The following LARP7 variants were observed in gnomAD, a reference collection of about 807,000 sequenced individuals.
The protein encoded by LARP7 is la-related protein 7.
A neutral mutation model predicts 69.3 loss-of-function variants in LARP7; 52 were observed. The ratio of observed to expected loss-of-function variants is 0.75; its 90% confidence interval spans 0.60 to 0.95. LARP7 has a LOEUF of 0.95. Ranked by LOEUF, LARP7 falls within the 40% of genes least tolerant of loss-of-function variation. The pLI, the probability that LARP7 is intolerant of heterozygous loss-of-function variation, is 0.00. For synonymous variants in LARP7, 254 were observed against 215.9 expected, an observed-to-expected ratio of 1.18 and a Z score of -1.55; for missense variants, 733 against 673.0, an observed-to-expected ratio of 1.09 and a Z score of -0.99.
chr4:112,647,550 G>A lies in LARP7; in HGVS notation c.997+1G>A, dbSNP rs1289631366. The stretch of plus-strand genomic sequence containing the variant: ...TCAGAAGCTTCCAAGGAAAATAGAG[G>A]TAAAACTACAAGGTTTTAATTAGAT... On this transcript the variant is annotated splice_donor_variant, in intron 7 of 12. Coordinates refer to ENST00000344442, the MANE Select transcript of LARP7 (RefSeq NM_016648.4). LOFTEE classifies it high-confidence loss of function. The A allele has an allele frequency of 3.8e-6, 6 of 1,583,982 alleles. No homozygotes were observed. Among genetic ancestry groups the A allele is most frequent in the Non-Finnish European group, 5.1e-6 (6 of 1,166,806 alleles).
intron 1 of LARP7, among the ~76,000 whole-genome samples, chr4:112,640,785 G>C (rs2047929721): frequency 6.6e-6 from 1 of 152,220 alleles, no homozygotes; most frequent in Non-Finnish European, 1.5e-5. Context: ...GCAGTGGACG[G>C]AGTTAAGGTC....
Position 112,647,075 on chromosome 4 carries a change from CAT to C in LARP7, c.597_598del (p.Phe200SerfsTer2), listed in dbSNP as rs1491561607. 1 of 1,611,632 alleles carries C rather than the reference CAT, an allele frequency of 6.2e-7. No individual in the cohort carries two copies. The highest frequency in any genetic ancestry group is 8.5e-7 in the Non-Finnish European group (1 of 1,179,528). ...PPEEAPRKPG[I>X]FPKTVKNKPI... ...CAGAAGAAGCACCAAGAAAACCTGG[CAT>C]ATTTCCTAAAACAGTGAAAAATAAG... is the stretch of plus-strand genomic sequence containing the variant. On this transcript the variant is annotated frameshift_variant, in exon 6 of 13. Coordinates refer to ENST00000344442, the MANE Select transcript of LARP7 (RefSeq NM_016648.4). LOFTEE classifies it high-confidence loss of function.
In LARP7 at chr4:112,647,422, C is replaced by T; in HGVS notation, c.870C>T (p.Val290=). Residue 290 remains valine (V), a synonymous_variant, in exon 7 of 13, where the codon GTC becomes GTT. Transcript: ENST00000344442. ...TTGAAGCATCTAGCTTACCTGAAGT[C>T]AGAACAGGGAAGAGGAAGAGAAGCA... ...DRVEASSLPE[V]RTGKRKRSSS... The T allele has an allele frequency of 6.2e-7, 1 of 1,614,000 alleles. No individual in the cohort carries two copies. The highest frequency in any genetic ancestry group is 1.7e-5 in the Admixed American group (1 of 59,998).
intron 12 of LARP7, among the ~76,000 whole-genome samples, chr4:112,655,015 A>G (rs1243691375): frequency 2.0e-5 from 3 of 151,944 alleles, no homozygotes; most frequent in Admixed American, 2.0e-4. Flanking sequence ...AAAAAAAAAA[A>G]AAACTAACTT....
intron 1 of LARP7, among the ~76,000 whole-genome samples, chr4:112,643,039 C>G (rs1029028860): frequency 1.3e-5 from 2 of 152,198 alleles, no homozygotes; most frequent in African/African-American, 4.8e-5. Flanking sequence ...TCAATTCATT[C>G]AACAAAATCG....
At chr4:112,653,870 A>G (rs1049977371) in intron 11 of LARP7, among the ~76,000 whole-genome samples, 198 bp from the exon 12 acceptor site, 6 of 152,084 alleles carry the variant, frequency 3.9e-5, no homozygotes, top group African/African-American at 1.2e-4. Flanking sequence ...CGCCCTCCCA[A>G]AGTGCTGGGA....
intron 8 of LARP7, 29 bp downstream of exon 8, chr4:112,647,863 G>C: frequency 6.8e-7 from 1 of 1,476,736 alleles, no homozygotes; most frequent in Non-Finnish European, 9.5e-7. Context: ...TTCTGTCATT[G>C]GCTTAACAAT....
At chr4:112,651,820 A>G (rs572421690) in intron 10 of LARP7, among the ~76,000 whole-genome samples, 1 of 152,268 alleles carries the variant, frequency 6.6e-6, no homozygotes, top group Admixed American at 6.5e-5. Flanking sequence ...TATTTAGTAT[A>G]TATCTTTTGA....
At chr4:112,645,533 T>G (rs1308200645) in intron 2 of LARP7, 1 of 456,138 alleles carries the variant, frequency 2.2e-6, no homozygotes, top group Non-Finnish European at 4.4e-6. Context: ...TGAGGCAAGG[T>G]CTATCTTTTT....
At chr4:112,639,375 A>C (rs1474150982) in intron 1 of LARP7, among the ~76,000 whole-genome samples, 1 of 151,662 alleles carries the variant, frequency 6.6e-6, no homozygotes, top group Non-Finnish European at 1.5e-5. Context: ...ATGCCCGGCT[A>C]ATTTTTTTCT....
chr4:112,646,334 T>C lies in LARP7; in HGVS notation c.203-17T>C, dbSNP rs774367828. The C allele has an allele frequency of 4.0e-6, 5 of 1,259,302 alleles. No individual in the cohort carries two copies. The African/African-American group carries it at 7.5e-5, about 19-fold the overall frequency. 78.0% of individuals were successfully genotyped at this position (1,259,302 alleles called of 1,614,324 possible). On this transcript the variant is annotated splice_polypyrimidine_tract_variant and intron_variant, in intron 2 of 12. Coordinates refer to ENST00000344442, the MANE Select transcript of LARP7 (RefSeq NM_016648.4). ...CCTGCTGATACACTAACATATTAACTTTTTCATTTTCTTTAGATGTTGATA... is the reference window on the plus strand; with the variant it reads ...CCTGCTGATACACTAACATATTAACCTTTTCATTTTCTTTAGATGTTGATA...
Position 112,647,854 on chromosome 4 carries a change from T to A in LARP7, c.1142+20T>A. ...ATCAAAGTAAGTCTGTGGTTTAAAT[T>A]CTGTCATTGGCTTAACAATCCATCA... is the stretch of plus-strand genomic sequence containing the variant. On this transcript the variant is annotated intron_variant, in intron 8 of 12. Transcript: ENST00000344442. 1 of 1,527,388 alleles carries A rather than the reference T, an allele frequency of 6.5e-7. No homozygotes were observed. The highest frequency in any genetic ancestry group is 9.0e-7 in the Non-Finnish European group (1 of 1,107,638). The allele number at this position is 1,527,388 out of a possible 1,614,324, so 94.6% of individuals were successfully genotyped here. A position where few individuals can be genotyped will look rare whatever the true frequency, so the allele number is the denominator to read the frequency against.
At chr4:112,646,705 C>A in intron 4 of LARP7, 34 bp downstream of exon 4, 1 of 1,559,760 alleles carries the variant, frequency 6.4e-7, no homozygotes, top group Non-Finnish European at 8.7e-7. Context: ...CAGTCAGAAA[C>A]TGGCACAGAA....
At chr4:112,655,842 GT>G (rs1383036175) in intron 12 of LARP7, among the ~76,000 whole-genome samples, 2 of 152,168 alleles carry the variant, frequency 1.3e-5, no homozygotes, top group Non-Finnish European at 1.5e-5. Context: ...CCCCAGTAAA[GT>G]TTAGAAGTAT....
At chr4:112,639,317 C>G (rs1458126258) in intron 1 of LARP7, among the ~76,000 whole-genome samples, 1 of 150,770 alleles carries the variant, frequency 6.6e-6, no homozygotes, top group East Asian at 1.9e-4. Context: ...TCACACCTTT[C>G]TCCTGCCTCA....
chr4:112,647,587 A>ACTTTAATTAATTAGT (rs1554011930), intron 7 of LARP7, 38 bp downstream of exon 7: 49 of 1,414,326 alleles, frequency 3.5e-5, no homozygotes, highest in Non-Finnish European at 4.6e-5. Flanking sequence ...AAACTAATTA[A>ACTTTAATTAATTAGT]TTTTAATTAA....
intron 8 of LARP7, chr4:112,648,126 G>A: frequency 3.7e-6 from 2 of 543,546 alleles, no homozygotes; most frequent in East Asian, 1.0e-4. Context: ...ATGAGCTGCG[G>A]TCAATACAAT....
Position 112,646,397 on chromosome 4 carries a change from GACT to G in LARP7, c.253_255del (p.Thr85del). On this transcript the variant is annotated inframe_deletion, in exon 3 of 13. Coordinates refer to ENST00000344442, the MANE Select transcript of LARP7 (RefSeq NM_016648.4). ...TGTCTTTTAACAAAATGAAAAAATT[GACT>G]ACTGATGGGAAGTTAATTGCCAGAG... 4 of 1,604,004 alleles carry G rather than the reference GACT, an allele frequency of 2.5e-6. No individual in the cohort carries two copies. The highest frequency in any genetic ancestry group is 1.1e-5 in the South Asian group (1 of 90,396).
chr4:112,646,006 TTTG>T (rs768919531), intron 2 of LARP7, among the ~76,000 whole-genome samples: 345 of 85,202 alleles, frequency 4.0e-3, no homozygotes, highest in Non-Finnish European at 5.5e-3. Context: ...TTTTTTTTTG[TTTG>T]TTTTGTTTGA....
Sources: allele counts gnomAD v4.1 joint callset (sites outside exome capture counted in the v4.1 genomes callset), GRCh38; gene constraint gnomAD v4.1.1; transcripts MANE v1.5; gene names NCBI Gene and HGNC (gene_info 2026-07-23, HGNC 2026-07-21).